The following LRP1B variants were observed in gnomAD, a reference collection of about 807,000 sequenced individuals.
LRP1B encodes the protein low-density lipoprotein receptor-related protein 1B.
In LRP1B, 217 loss-of-function variants were observed where a neutral mutation model predicts 556.6. The ratio of observed to expected loss-of-function variants is 0.39; its 90% CI spans 0.35 to 0.44. The LOEUF (loss-of-function observed/expected upper bound fraction) is 0.44, where lower values mean the gene tolerates loss of function less well. LRP1B is among the 20% of genes least tolerant of loss of function. The pLI is 1.00. For missense variants in LRP1B, 5,053 were observed against 5,620.8 expected (o/e 0.90, Z 3.23); for synonymous variants, 2,047 against 1,865.8 (o/e 1.10, Z -2.50).
At chr2:140,732,632 A>G (rs1214860431) in intron 35 of LRP1B, among the ~76,000 whole-genome samples, 1 of 152,198 alleles carries the variant, frequency 6.6e-6, no homozygotes, top group Non-Finnish European at 1.5e-5. Context: ...TTTCACTTCA[A>G]TTAAACCATG....
chr2:141,890,580 C>T (rs1699261544), intron 1 of LRP1B, among the ~76,000 whole-genome samples: 1 of 151,774 alleles, frequency 6.6e-6, no homozygotes, highest in Non-Finnish European at 1.5e-5. Flanking sequence ...CAATTGTCAA[C>T]TCAACCATGA....
At chr2:140,752,902 C>G (rs1323251635) in intron 35 of LRP1B, among the ~76,000 whole-genome samples, 2 of 152,106 alleles carry the variant, frequency 1.3e-5, no homozygotes, top group African/African-American at 4.8e-5. Flanking sequence ...AGTCCACACT[C>G]TACAGTAGGG....
At chr2:140,457,693 A>C in intron 60 of LRP1B, 42 bp from the exon 61 acceptor site, 1 of 1,503,530 alleles carries the variant, frequency 6.7e-7, no homozygotes, top group Non-Finnish European at 9.2e-7. Context: ...GTCTTGGAAG[A>C]CTGCCAGTTA....
At chr2:140,499,879 A>C (rs1689106017) in intron 55 of LRP1B, among the ~76,000 whole-genome samples, 1 of 151,958 alleles carries the variant, frequency 6.6e-6, no homozygotes, top group Non-Finnish European at 1.5e-5. Flanking sequence ...AGAACTAAAT[A>C]ATTATTTGTA....
At chr2:140,409,184 T>C (rs1179908639) in intron 66 of LRP1B, among the ~76,000 whole-genome samples, 2 of 152,080 alleles carry the variant, frequency 1.3e-5, no homozygotes, top group East Asian at 1.9e-4. Flanking sequence ...ATATTCTGGG[T>C]AATTACCTTG....
intron 2 of LRP1B, among the ~76,000 whole-genome samples, chr2:141,528,071 G>A (rs1163633768): frequency 4.6e-5 from 7 of 151,740 alleles, no homozygotes; most frequent in Admixed American, 3.3e-4. Flanking sequence ...GACTCTGCCG[G>A]CTCAGTCATG....
At position 140,878,148 on chromosome 2, in the gene LRP1B, A is replaced by G. The variant is rs546158600; in HGVS notation, c.4169+5669T>C. 6.6e-5 allele frequency among the ~76,000 whole-genome samples: 10 copies of G among 152,322 alleles called. 1 individual carries two copies. The South Asian group carries it at 2.1e-3, about 32-fold the overall frequency. ...ATGTACTGATAATTGTTTAAGCTAG[A>G]TAATGGGTACAAGAGAGTTTATTAC... On this transcript the variant is annotated intron_variant, in intron 25 of 90. Coordinates refer to ENST00000389484, the MANE Select transcript of LRP1B (RefSeq NM_018557.3).
At chr2:141,786,052 T>C (rs529964110) in intron 2 of LRP1B, among the ~76,000 whole-genome samples, 6 of 152,036 alleles carry the variant, frequency 3.9e-5, no homozygotes, top group East Asian at 1.9e-4. Context: ...TCTCATAACC[T>C]CTATAAAGGG....
chr2:141,978,455 A>C (rs1236367072), intron 1 of LRP1B, among the ~76,000 whole-genome samples: 5 of 152,050 alleles, frequency 3.3e-5, no homozygotes, highest in Admixed American at 2.0e-4. Flanking sequence ...TAACTTATAG[A>C]GTTTAACAAG....
chr2:141,775,301 G>T (rs548569421), intron 2 of LRP1B, among the ~76,000 whole-genome samples: 1 of 152,246 alleles, frequency 6.6e-6, no homozygotes, highest in South Asian at 2.1e-4. Flanking sequence ...TTAGCTGTGT[G>T]GAAAGCAATT....
chr2:140,646,576 A>G lies in LRP1B; in HGVS notation c.6800-44937T>C, dbSNP rs112415494. On this transcript the variant is annotated intron_variant, in intron 41 of 90. Transcript: ENST00000389484. ...TATATCCAGCTGCCTCCTCTACTCCAGGCTCAGTTCTTCTATAAATAAAGT... is the reference window on the plus strand; with the variant it reads ...TATATCCAGCTGCCTCCTCTACTCCGGGCTCAGTTCTTCTATAAATAAAGT... Among the ~76,000 whole-genome samples, 7 of 152,270 alleles carry G rather than the reference A, an allele frequency of 4.6e-5. 1 individual carries two copies. The highest frequency in any genetic ancestry group is 1.7e-4 in the African/African-American group (7 of 41,554).
chr2:140,837,775 C>T lies in LRP1B; in HGVS notation c.5209+2216G>A, dbSNP rs960632021. ...TGGACACAGGAAGGGGAACATCACACACCACCGGGGACTGTTGTGGGGTGG... is the reference window on the plus strand; with the variant it reads ...TGGACACAGGAAGGGGAACATCACATACCACCGGGGACTGTTGTGGGGTGG... On this transcript the variant is annotated intron_variant, in intron 31 of 90. Transcript: ENST00000389484. Among the ~76,000 whole-genome samples, 6 of 148,974 alleles carry T rather than the reference C, an allele frequency of 4.0e-5. No individual in the cohort carries two copies. In the East Asian group the frequency reaches 1.2e-3, roughly 30 times the overall value.
intron 9 of LRP1B, among the ~76,000 whole-genome samples, chr2:141,058,349 C>A (rs1374073162): frequency 1.3e-5 from 2 of 151,696 alleles, no homozygotes; most frequent in Non-Finnish European, 2.9e-5. Context: ...TATGATTGAA[C>A]CTAAATTGTA....
chr2:140,665,162 T>C (rs1685222754), intron 41 of LRP1B, among the ~76,000 whole-genome samples: 1 of 152,190 alleles, frequency 6.6e-6, no homozygotes, highest in Admixed American at 6.5e-5. Flanking sequence ...TGCTATGACA[T>C]AATTGCACAA....
intron 7 of LRP1B, among the ~76,000 whole-genome samples, chr2:141,185,458 G>A (rs1222143308): frequency 1.3e-5 from 2 of 151,942 alleles, no homozygotes; most frequent in Admixed American, 1.3e-4. Context: ...GAAAGGAAAT[G>A]TTGCTAAAAA....
At chr2:141,841,185 A>G (rs539630275) in intron 1 of LRP1B, among the ~76,000 whole-genome samples, 5 of 152,222 alleles carry the variant, frequency 3.3e-5, no homozygotes, top group Non-Finnish European at 7.3e-5. Flanking sequence ...ATGTAATTGC[A>G]TGCCTAAATT....
At chr2:141,768,339 G>A (rs1011926883) in intron 2 of LRP1B, among the ~76,000 whole-genome samples, 1 of 151,004 alleles carries the variant, frequency 6.6e-6, no homozygotes, top group African/African-American at 2.5e-5. Context: ...GCCTTTTTCT[G>A]AATTCTCAAT....
At position 141,267,813 on chromosome 2, in the gene LRP1B, T is replaced by C. The variant is rs534942103; in HGVS notation, c.344-13172A>G. Among the ~76,000 whole-genome samples, 9 of 152,318 alleles carry C rather than the reference T, an allele frequency of 5.9e-5. No homozygotes were observed. In the South Asian group the frequency reaches 1.7e-3, roughly 28 times the overall value. On this transcript the variant is annotated intron_variant, in intron 3 of 90. Transcript: ENST00000389484. ...AAGGATTATACACATATAACTTCTA[T>C]GTTACCTAGCTTTTGTGAGAGGAAT...
intron 27 of LRP1B, among the ~76,000 whole-genome samples, chr2:140,859,236 G>GA (rs199756532): frequency 0.013 from 1,887 of 145,724 alleles, 25 homozygotes; most frequent in African/African-American, 0.033. Flanking sequence ...TGACAAAAAA[G>GA]AAAAAAAAAA....
Sources: allele counts gnomAD v4.1 joint callset (sites outside exome capture counted in the v4.1 genomes callset), GRCh38; gene constraint gnomAD v4.1.1; transcripts MANE v1.5; gene names NCBI Gene and HGNC (gene_info 2026-07-23, HGNC 2026-07-21).